MARK4: variants seen among roughly 807,000 people sequenced by gnomAD.
MARK4 encodes the protein microtubule affinity regulating kinase 4.
MARK4 carries 19 observed loss-of-function variants against 81.5 expected under a neutral mutation model. The observed-to-expected ratio is 0.23, with a 90% CI of 0.16 to 0.34. The LOEUF is 0.34. Among genes scored for constraint, MARK4 ranks in the 10% least tolerant of loss-of-function variants. The pLI, the probability that MARK4 is intolerant of heterozygous loss-of-function variation, is 1.00. For synonymous variants in MARK4, 436 were observed against 439.0 expected (o/e 0.99, Z 0.08); for missense variants, 772 against 1,058.8 (o/e 0.73, Z 3.76).
intron 7 of MARK4, among the ~76,000 whole-genome samples, chr19:45,268,009 T>C (rs551699491): frequency 9.9e-5 from 15 of 152,222 alleles, no homozygotes; most frequent in African/African-American, 3.6e-4. Context: ...TTGGCCAGGC[T>C]GGTCTCAATC....
chr19:45,289,047 G>A (rs1024873290), intron 13 of MARK4, among the ~76,000 whole-genome samples: 3 of 152,024 alleles, frequency 2.0e-5, no homozygotes, highest in Admixed American at 1.3e-4. Flanking sequence ...CTTGACCAGG[G>A]TGCACACAGG....
intron 7 of MARK4, among the ~76,000 whole-genome samples, chr19:45,266,852 C>A (rs1970461155): frequency 1.3e-5 from 2 of 151,488 alleles, no homozygotes; most frequent in South Asian, 4.2e-4. Flanking sequence ...CCTGCCTCAG[C>A]CTCCCAAGTA....
At chr19:45,273,784 G>A (rs916262945) in intron 8 of MARK4, among the ~76,000 whole-genome samples, 20 of 152,204 alleles carry the variant, frequency 1.3e-4, no homozygotes, top group African/African-American at 4.8e-4. Flanking sequence ...TGAGGAGCAC[G>A]TACTGTGATA....
chr19:45,253,674 A>C (rs559148058), intron 1 of MARK4, among the ~76,000 whole-genome samples: 4 of 152,158 alleles, frequency 2.6e-5, no homozygotes, highest in African/African-American at 9.6e-5. Context: ...CCTTATCTCT[A>C]AATCGGGTTG....
Position 45,299,812 on chromosome 19 carries a change from G to A in MARK4, c.1879G>A (p.Val627Ile). ...CTCTGTCCCCCTCCCCTCCCCTAGG[G>A]TCGCAGACGAACCTGAGAGAATCGG... The part of the protein sequence containing the change: ...TKLTSKLTRR[V>I]ADEPERIGGP... The change falls in exon 16 of 17, where the codon GTC (valine) becomes ATC (isoleucine). Residue 627 changes from valine to isoleucine, a missense_variant and splice_region_variant. Physicochemically the swap from Val to Ile is conservative, Grantham distance 29 (BLOSUM62 3). Around this residue, in one of 3 missense-constraint regions of MARK4, gnomAD observed 548 missense variants for 624.3 expected, o/e 0.88. Transcript: ENST00000262891. 6.2e-7 allele frequency: 1 copy of A among 1,604,166 alleles called. No homozygotes were observed. Among genetic ancestry groups the A allele is most frequent in the Non-Finnish European group, 8.5e-7 (1 of 1,173,422 alleles).
chr19:45,266,820 C>A (rs573418665), intron 7 of MARK4, among the ~76,000 whole-genome samples: 2,336 of 151,500 alleles, frequency 0.015, 78 homozygotes, highest in African/African-American at 0.054. Flanking sequence ...GCAAGCTCCG[C>A]CTCCTGGGTT....
At chr19:45,293,633 A>G (rs139602055) in intron 13 of MARK4, among the ~76,000 whole-genome samples, 44 of 152,346 alleles carry the variant, frequency 2.9e-4, no homozygotes, top group Non-Finnish European at 5.9e-4. Context: ...AGAAGAAATA[A>G]CACTAACCTT....
At chr19:45,263,477 C>G in intron 4 of MARK4, 110 bp downstream of exon 4, 1 of 1,360,904 alleles carries the variant, frequency 7.3e-7, no homozygotes, top group South Asian at 1.2e-5. Context: ...CGCAGTGGCT[C>G]ACTCCTGTAA....
intron 7 of MARK4, among the ~76,000 whole-genome samples, chr19:45,270,124 G>A (rs941232343): frequency 4.6e-5 from 7 of 152,108 alleles, no homozygotes; most frequent in South Asian, 2.1e-4. Flanking sequence ...TACCGCGCCC[G>A]GCCATGAAAT....
chr19:45,278,030 C>T lies in MARK4; in HGVS notation c.894C>T (p.Arg298=), dbSNP rs1409497889. Residue 298 remains arginine (R), a synonymous_variant, in exon 9 of 17, where the codon CGC becomes CGT. Transcript: ENST00000262891. The part of the protein sequence containing the change: ...RRFLVLNPAK[R]CTLEQIMKDK... ...TTTTGGTGCTGAACCCAGCTAAACG[C>T]TGTACTCTCGAGGTGAGCCCAGCCT... The T allele has an allele frequency of 1.2e-6, 2 of 1,613,768 alleles. No individual in the cohort carries two copies. Among genetic ancestry groups the T allele is most frequent in the East Asian group, 2.2e-5 (1 of 44,850 alleles).
intron 7 of MARK4, among the ~76,000 whole-genome samples, chr19:45,268,029 T>C (rs35751749): frequency 0.24 from 36,136 of 151,854 alleles, 4,922 homozygotes; most frequent in Non-Finnish European, 0.32. Context: ...CTCCTGACCT[T>C]GGGTGATCTG....
chr19:45,262,817 T>C (rs1376938036), intron 2 of MARK4, among the ~76,000 whole-genome samples: 2 of 152,126 alleles, frequency 1.3e-5, no homozygotes, highest in African/African-American at 2.4e-5. Flanking sequence ...CCAGCTGGAG[T>C]GCAGTGACGT....
At chr19:45,268,452 C>T (rs372309260) in intron 7 of MARK4, among the ~76,000 whole-genome samples, 24 of 151,810 alleles carry the variant, frequency 1.6e-4, no homozygotes, top group Admixed American at 9.2e-4. Context: ...GTCGTTGTGG[C>T]GCGTGCCTAT....
intron 2 of MARK4, 152 bp from the exon 3 acceptor site, chr19:45,262,961 C>A: frequency 1.3e-6 from 1 of 789,676 alleles, no homozygotes; most frequent in Non-Finnish European, 2.0e-6. Context: ...GACAGGGTTT[C>A]GTCGTGTTGA....
intron 2 of MARK4, among the ~76,000 whole-genome samples, chr19:45,262,818 G>A (rs1473118211): frequency 6.6e-6 from 1 of 152,206 alleles, no homozygotes; most frequent in Non-Finnish European, 1.5e-5. Context: ...CAGCTGGAGT[G>A]CAGTGACGTC....
At chr19:45,258,246 A>G (rs1019230379) in intron 1 of MARK4, among the ~76,000 whole-genome samples, 10 of 152,040 alleles carry the variant, frequency 6.6e-5, no homozygotes, top group Admixed American at 1.3e-4. Flanking sequence ...CAGCCTCCCA[A>G]AGTGCTGGGA....
intron 10 of MARK4, 44 bp from the exon 11 acceptor site, chr19:45,280,328 TAA>T: frequency 6.5e-7 from 1 of 1,540,584 alleles, no homozygotes; most frequent in African/African-American, 1.4e-5. Context: ...GGATGGAAGT[TAA>T]AGTTTCTGGG....
At chr19:45,283,954 T>C (rs1223235349) in intron 12 of MARK4, among the ~76,000 whole-genome samples, 1 of 152,136 alleles carries the variant, frequency 6.6e-6, no homozygotes, top group Non-Finnish European at 1.5e-5. Context: ...TGTCTAATCT[T>C]TTTTTTCTCT....
At chr19:45,263,196 A>G (rs780317461) in intron 3 of MARK4, 30 bp downstream of exon 3, 3 of 1,612,500 alleles carry the variant, frequency 1.9e-6, no homozygotes, top group South Asian at 2.2e-5. Flanking sequence ...GGAGAGCAGG[A>G]GCCAGGCTTC....
Sources: gnomAD v4.1 joint callset for allele counts (sites outside exome capture counted in the v4.1 genomes callset) on GRCh38, gnomAD v4.1.1 for gene constraint, gnomAD v4.1.1 regional missense constraint, MANE v1.5 for transcripts, NCBI Gene and HGNC (gene_info 2026-07-23, HGNC 2026-07-21) for gene names.